The following SMC1B variants were observed in gnomAD, a reference collection of about 807,000 sequenced individuals.
SMC1B encodes the protein structural maintenance of chromosomes protein 1B.
A neutral mutation model predicts 157.9 loss-of-function variants in SMC1B; 60 were observed. The ratio of observed to expected loss-of-function variants is 0.38; its 90% CI spans 0.31 to 0.47. SMC1B has a LOEUF of 0.47. Among genes scored for constraint, SMC1B ranks in the 20% least tolerant of loss-of-function variants. SMC1B has a pLI of 0.99. For missense variants in SMC1B, 1,165 were observed against 1,426.2 expected, an observed-to-expected ratio of 0.82 and a Z score of 2.95; for synonymous variants, 445 against 483.0, an observed-to-expected ratio of 0.92 and a Z score of 1.03.
chr22:45,386,890 G>A lies in SMC1B; in HGVS notation c.1888C>T (p.Leu630Phe), dbSNP rs781685571. ...ACTTTCTGTCTTTCAGGTCCACTGA[G>A]TGCAATATGCCTTGCTTCTTCCATA... ...ETMEEARHIA[L>F]SGPERQKTVA... Residue 630 changes from leucine to phenylalanine, a missense_variant, in exon 11 of 25, where the codon CTC (leucine) becomes TTC (phenylalanine). Physicochemically the swap from Leu to Phe is conservative, Grantham distance 22. Transcript: ENST00000357450. 2.5e-6 allele frequency: 4 copies of A among 1,613,884 alleles called. No individual in the cohort carries two copies. The highest frequency in any genetic ancestry group is 2.5e-6 in the Non-Finnish European group (3 of 1,179,880).
At chr22:45,389,371 A>G (rs187124779) in intron 10 of SMC1B, among the ~76,000 whole-genome samples, 1 of 152,366 alleles carries the variant, frequency 6.6e-6, no homozygotes, top group East Asian at 1.9e-4. Context: ...GGCATTTCCA[A>G]CAGACCATAC....
At chr22:45,358,617 C>A in intron 19 of SMC1B, 80 bp downstream of exon 19, 11 of 879,686 alleles carry the variant, frequency 1.3e-5, no homozygotes, top group Non-Finnish European at 5.2e-6. Flanking sequence ...AAACTTAATT[C>A]TATCATCCAA....
chr22:45,393,942 G>T, intron 8 of SMC1B, 101 bp from the exon 9 acceptor site: 1 of 735,474 alleles, frequency 1.4e-6, no homozygotes, highest in Non-Finnish European at 2.2e-6. Context: ...GAATAGAGCA[G>T]TGCTCTATCA....
chr22:45,371,703 T>A, intron 13 of SMC1B, 116 bp from the exon 14 acceptor site: 1 of 1,232,468 alleles, frequency 8.1e-7, no homozygotes, highest in Non-Finnish European at 1.1e-6. Flanking sequence ...ATAAGATGAA[T>A]TCACCTGGAT....
chr22:45,409,959 G>A (rs890301914), intron 1 of SMC1B, among the ~76,000 whole-genome samples: 18 of 152,170 alleles, frequency 1.2e-4, no homozygotes, highest in African/African-American at 3.4e-4. Flanking sequence ...ATAGGCAAAC[G>A]GTGCCTATGT....
chr22:45,408,938 G>A (rs2087296430), intron 1 of SMC1B, 40 bp from the exon 2 acceptor site: 2 of 1,286,896 alleles, frequency 1.6e-6, no homozygotes, highest in Non-Finnish European at 2.1e-6. Flanking sequence ...CATTCTTAAT[G>A]ATAAAAAGCC....
intron 24 of SMC1B, 112 bp from the exon 25 acceptor site, chr22:45,344,769 T>A: frequency 1.5e-6 from 1 of 645,618 alleles, no homozygotes; most frequent in Non-Finnish European, 2.7e-6. Flanking sequence ...TTCTTCAACC[T>A]AGTAAGATAT....
chr22:45,382,628 C>A (rs750415954), intron 12 of SMC1B, among the ~76,000 whole-genome samples: 1 of 74,194 alleles, frequency 1.3e-5, no homozygotes, highest in African/African-American at 5.5e-5. Flanking sequence ...TTATATTCCA[C>A]CTGAAGCTGA....
chr22:45,399,479 C>G, intron 5 of SMC1B, 126 bp from the exon 6 acceptor site: 1 of 906,244 alleles, frequency 1.1e-6, no homozygotes, highest in Non-Finnish European at 1.6e-6. Context: ...AGACTGTAAG[C>G]AGATCAATGG....
intron 9 of SMC1B, among the ~76,000 whole-genome samples, chr22:45,390,382 T>C (rs2087043285): frequency 3.3e-5 from 5 of 152,136 alleles, no homozygotes; most frequent in Non-Finnish European, 7.3e-5. Context: ...CTGAGAATAT[T>C]TAACAGGGAC....
At chr22:45,349,401 A>G (rs1450853790) in intron 23 of SMC1B, among the ~76,000 whole-genome samples, 1 of 150,618 alleles carries the variant, frequency 6.6e-6, no homozygotes, top group African/African-American at 2.5e-5. Flanking sequence ...CAGTGGTGCA[A>G]TCTCGGCTCA....
At chr22:45,388,742 C>T (rs1211379026) in intron 10 of SMC1B, among the ~76,000 whole-genome samples, 9 of 151,664 alleles carry the variant, frequency 5.9e-5, no homozygotes, top group Non-Finnish European at 1.2e-4. Context: ...TTTGGGAGAC[C>T]GAGGCAGGCG....
intron 1 of SMC1B, among the ~76,000 whole-genome samples, chr22:45,409,564 CTAAATAAATAAATAAATAAATAAA>C (rs71770434): frequency 1.8e-4 from 25 of 140,836 alleles, no homozygotes; most frequent in Non-Finnish European, 3.5e-4. Flanking sequence ...GACTCCAACT[CTAAATAAATAAATAAATAAATAAA>C]TAAATAAATA....
intron 22 of SMC1B, 66 bp downstream of exon 22, chr22:45,352,385 C>T: frequency 7.0e-7 from 1 of 1,436,688 alleles, no homozygotes; most frequent in Non-Finnish European, 9.4e-7. Flanking sequence ...GTTAATATAT[C>T]TTCTGTAGGA....
intron 4 of SMC1B, among the ~76,000 whole-genome samples, chr22:45,405,368 G>A (rs1264197296): frequency 6.6e-6 from 1 of 151,942 alleles, no homozygotes; most frequent in African/African-American, 2.4e-5. Context: ...AGACCACGGT[G>A]AAACCCCGTC....
chr22:45,370,125 T>C, intron 14 of SMC1B, 65 bp from the exon 15 acceptor site: 3 of 937,770 alleles, frequency 3.2e-6, no homozygotes, highest in African/African-American at 1.7e-5. Flanking sequence ...ATCTTAAATA[T>C]GTTTTTCCCT....
chr22:45,413,570 C>A lies in SMC1B; in HGVS notation c.-3G>T. On this transcript the variant is annotated 5_prime_UTR_variant, in exon 1 of 25. Coordinates refer to ENST00000357450, the MANE Select transcript of SMC1B (RefSeq NM_148674.5). Reference sequence around the variant, plus strand: ...AGCAGCAGCTCCAGGTGGGCCATGGCGCCGCCCTCCACGCCTCACCCGCGT... The same window carrying A: ...AGCAGCAGCTCCAGGTGGGCCATGGAGCCGCCCTCCACGCCTCACCCGCGT... The A allele has an allele frequency of 1.9e-6, 3 of 1,598,438 alleles. No homozygotes were observed. The highest frequency in any genetic ancestry group is 1.7e-4 in the Middle Eastern group (1 of 6,042).
At chr22:45,409,167 T>C (rs939977944) in intron 1 of SMC1B, among the ~76,000 whole-genome samples, 1 of 152,236 alleles carries the variant, frequency 6.6e-6, no homozygotes, top group Non-Finnish European at 1.5e-5. Flanking sequence ...TATCACACCA[T>C]GGCAAATCAT....
chr22:45,387,006 C>T lies in SMC1B; in HGVS notation c.1772G>A (p.Cys591Tyr), dbSNP rs201949199. Residue 591 changes from cysteine to tyrosine, a missense_variant, in exon 11 of 25, where the codon TGT becomes TAT. Cys to Tyr is a radical substitution (Grantham distance 194). Transcript: ENST00000357450. ...INERLRELKG[C>Y]KMVIDVIKTQ... ...CTTTATGACATCAATCACCATTTTA[C>T]AGCCTTTAAGCTCCCTTAGTCTTTC... is the stretch of plus-strand genomic sequence containing the variant. 8.1e-6 allele frequency: 13 copies of T among 1,613,854 alleles called. No homozygotes were observed. The highest frequency in any genetic ancestry group is 1.1e-5 in the Non-Finnish European group (13 of 1,179,884).
Sources: gnomAD v4.1 joint callset for allele counts (sites outside exome capture counted in the v4.1 genomes callset) on GRCh38, gnomAD v4.1.1 for gene constraint, MANE v1.5 for transcripts, NCBI Gene and HGNC (gene_info 2026-07-23, HGNC 2026-07-21) for gene names.